Variants in SUSD4 observed in about 807,000 individuals in gnomAD.
The protein encoded by SUSD4 is sushi domain containing 4.
A neutral mutation model predicts 50.5 loss-of-function variants in SUSD4; 41 were observed. That is an observed-to-expected ratio of 0.81 (90% confidence interval 0.63 to 1.05). SUSD4 has a LOEUF of 1.05. SUSD4 is among the 50% of genes least tolerant of loss of function. The probability of loss-of-function intolerance (pLI) is 0.00; values close to 1 mark genes in which losing one functional copy is unlikely to be tolerated. For synonymous variants in SUSD4, 257 were observed against 257.3 expected, an observed-to-expected ratio of 1.00 and a Z score of 0.01; for missense variants, 580 against 634.7, an observed-to-expected ratio of 0.91 and a Z score of 0.93.
chr1:223,361,853 G>A (rs973056974), intron 2 of SUSD4, among the ~76,000 whole-genome samples: 4 of 152,196 alleles, frequency 2.6e-5, no homozygotes, highest in Non-Finnish European at 5.9e-5. Flanking sequence ...TGTTCTGCCC[G>A]TCTATTCCCA....
In SUSD4 at chr1:223,229,374, G is replaced by T; in HGVS notation, c.739C>A (p.Pro247Thr). The T allele has an allele frequency of 1.9e-6, 3 of 1,598,208 alleles. No individual in the cohort carries two copies. The highest frequency in any genetic ancestry group is 2.6e-6 in the Non-Finnish European group (3 of 1,167,562). ...ACGAAATCTCCGTGACTCACCATTG[G>T]AGGTAGTGGACAGACTTGGGCAGTA... ...CLALEVCPLP[P>T]MVSHGDFVCH... The change falls in exon 6 of 9, where the codon CCA becomes ACA. Residue 247 changes from proline (P) to threonine (T), a missense_variant. Transcript: ENST00000366878. This position sits in a 1 kb window ranked among gnomAD's most constrained non-coding sequence, Gnocchi z 4.7.
In SUSD4 at chr1:223,222,238, GT is replaced by G. The variant is rs1223921201; in HGVS notation, c.1445-19del. The G allele has an allele frequency of 6.2e-7, 1 of 1,612,810 alleles. No homozygotes were observed. The highest frequency in any genetic ancestry group is 2.2e-5 in the East Asian group (1 of 44,842). ...AGGAATCTCTGTAAAAGAAGAGACG[GT>G]TATTAGCTTAACATAACCAGAAAAC... On this transcript the variant is annotated intron_variant, in intron 8 of 8. Coordinates refer to ENST00000366878, the MANE Select transcript of SUSD4 (RefSeq NM_017982.4).
At chr1:223,273,229 G>A (rs1484915099) in intron 3 of SUSD4, among the ~76,000 whole-genome samples, 1 of 152,208 alleles carries the variant, frequency 6.6e-6, no homozygotes, top group African/African-American at 2.4e-5. Context: ...TGACCAAGAA[G>A]GGGAGGGACA....
chr1:223,232,859 T>C (rs1659984904), intron 5 of SUSD4, among the ~76,000 whole-genome samples: 2 of 152,212 alleles, frequency 1.3e-5, no homozygotes, highest in Admixed American at 1.3e-4. Context: ...AGCTTTCCCA[T>C]CTGTCTAATG....
chr1:223,229,114 G>T lies in SUSD4; in HGVS notation c.916+83C>A, dbSNP rs1010975061. On this transcript the variant is annotated intron_variant, in intron 6 of 8. Coordinates refer to ENST00000366878, the MANE Select transcript of SUSD4 (RefSeq NM_017982.4). This position sits in a 1 kb window ranked among gnomAD's most constrained non-coding sequence, Gnocchi z 4.7. The stretch of plus-strand genomic sequence containing the variant: ...CACTGGGTGGGGGAGGAGAGATACA[G>T]CTTGGTACATAACCACCACCCACTA... The T allele has an allele frequency of 1.5e-6, 2 of 1,376,118 alleles. No homozygotes were observed. The highest frequency in any genetic ancestry group is 2.0e-6 in the Non-Finnish European group (2 of 1,000,240). The allele number at this position is 1,376,118 out of a possible 1,614,324, so 85.2% of individuals were successfully genotyped here.
intron 2 of SUSD4, among the ~76,000 whole-genome samples, chr1:223,360,918 G>A (rs535386633): frequency 6.6e-6 from 1 of 152,338 alleles, no homozygotes; most frequent in African/African-American, 2.4e-5. Flanking sequence ...CAGTAATTGA[G>A]AATGATGGCA....
intron 2 of SUSD4, among the ~76,000 whole-genome samples, chr1:223,296,441 G>T (rs1293175161): frequency 1.3e-5 from 2 of 152,140 alleles, no homozygotes; most frequent in African/African-American, 4.8e-5. Flanking sequence ...GGGATGCCAG[G>T]TATAGATGTC....
At chr1:223,268,867 A>T (rs1203893756) in intron 3 of SUSD4, among the ~76,000 whole-genome samples, 192 bp from the exon 4 acceptor site, 1 of 152,206 alleles carries the variant, frequency 6.6e-6, no homozygotes, top group East Asian at 1.9e-4. Flanking sequence ...AGTAACGAGA[A>T]GGTGGCTCAA....
In SUSD4 at chr1:223,339,812, G is replaced by T. The variant is rs987177096; in HGVS notation, c.148+23466C>A. ...CCTGAGGCCCCTCAGGAAGCAGAAGGCTGGGCCCCGGCTCCCCCAGGACTG... is the reference window on the plus strand; with the variant it reads ...CCTGAGGCCCCTCAGGAAGCAGAAGTCTGGGCCCCGGCTCCCCCAGGACTG... On this transcript the variant is annotated intron_variant, in intron 2 of 8. Coordinates refer to ENST00000366878, the MANE Select transcript of SUSD4 (RefSeq NM_017982.4). Among the ~76,000 whole-genome samples, 20 of 152,306 alleles carry T rather than the reference G, an allele frequency of 1.3e-4. No individual in the cohort carries two copies. The East Asian group carries it at 3.9e-3, about 29-fold the overall frequency.
At chr1:223,349,712 T>C (rs984733802) in intron 2 of SUSD4, among the ~76,000 whole-genome samples, 1 of 152,190 alleles carries the variant, frequency 6.6e-6, no homozygotes, top group African/African-American at 2.4e-5. Flanking sequence ...TTCACCTAAT[T>C]GCCACTTCCT....
In SUSD4 at chr1:223,235,164, A is replaced by C. The variant is rs973745211; in HGVS notation, c.725-5776T>G. ...CTATTTCTCTTGATTGAAAAAAAAA[A>C]CCTAAAGCCCTTTTCTTTCTAAAAA... On this transcript the variant is annotated intron_variant, in intron 5 of 8. Coordinates refer to ENST00000366878, the MANE Select transcript of SUSD4 (RefSeq NM_017982.4). 13 of 1,483,562 alleles carry C rather than the reference A, an allele frequency of 8.8e-6. No homozygotes were observed. The Admixed American group carries it at 2.5e-4, about 29-fold the overall frequency. The allele number at this position is 1,483,562 out of a possible 1,614,324, so 91.9% of individuals were successfully genotyped here. A position where few individuals can be genotyped will look rare whatever the true frequency, so the allele number is the denominator to read the frequency against.
intron 2 of SUSD4, among the ~76,000 whole-genome samples, chr1:223,306,216 A>G (rs537176912): frequency 6.6e-6 from 1 of 152,226 alleles, no homozygotes; most frequent in Non-Finnish European, 1.5e-5. Context: ...AATAAAACTG[A>G]TAACAATGCT....
intron 2 of SUSD4, among the ~76,000 whole-genome samples, chr1:223,354,163 T>C (rs984636096): frequency 1.3e-5 from 2 of 152,230 alleles, no homozygotes; most frequent in African/African-American, 4.8e-5. Flanking sequence ...GTCAACTTTC[T>C]GTTCATTGAC....
chr1:223,324,500 C>T (rs1558251316), intron 2 of SUSD4, among the ~76,000 whole-genome samples: 1 of 151,834 alleles, frequency 6.6e-6, no homozygotes, highest in Non-Finnish European at 1.5e-5. Flanking sequence ...ATCTTAAAAG[C>T]TTAAAACATA....
intron 2 of SUSD4, among the ~76,000 whole-genome samples, chr1:223,350,446 A>C (rs948618406): frequency 6.6e-6 from 1 of 151,898 alleles, no homozygotes; most frequent in African/African-American, 2.4e-5. Flanking sequence ...TCAGTGAAAA[A>C]CTCAATACTC....
chr1:223,287,998 C>T (rs1664253306), intron 3 of SUSD4, among the ~76,000 whole-genome samples: 1 of 152,140 alleles, frequency 6.6e-6, no homozygotes, highest in Non-Finnish European at 1.5e-5. Flanking sequence ...TTGTCTATAC[C>T]CAAAGGTGTT....
At chr1:223,305,067 T>A (rs1665451045) in intron 2 of SUSD4, among the ~76,000 whole-genome samples, 1 of 151,512 alleles carries the variant, frequency 6.6e-6, no homozygotes, top group Non-Finnish European at 1.5e-5. Context: ...CTAAATAGAG[T>A]CCTTCTCTTG....
intron 3 of SUSD4, among the ~76,000 whole-genome samples, chr1:223,278,342 T>C (rs539591889): frequency 7.3e-4 from 111 of 152,226 alleles, no homozygotes; most frequent in Non-Finnish European, 1.3e-3. Context: ...AGATGGCACC[T>C]GGAAAATTGG....
chr1:223,316,037 C>T (rs61838209), intron 2 of SUSD4, among the ~76,000 whole-genome samples: 27,391 of 152,142 alleles, frequency 0.18, 3,003 homozygotes, highest in Non-Finnish European at 0.25. Context: ...GAAGCTCTGC[C>T]ACCCATGGAA....
Sources: gnomAD v4.1 joint callset for allele counts (sites outside exome capture counted in the v4.1 genomes callset) on GRCh38, gnomAD v4.1.1 for gene constraint, Gnocchi (gnomAD v3.1) non-coding constraint, MANE v1.5 for transcripts, NCBI Gene and HGNC (gene_info 2026-07-23, HGNC 2026-07-21) for gene names.